MYO16: variants seen among roughly 807,000 people sequenced by gnomAD.
The protein encoded by MYO16 is myosin XVI.
MYO16 carries 94 observed loss-of-function variants against 205.3 expected under a neutral mutation model. The observed-to-expected ratio is 0.46, with a 90% CI of 0.39 to 0.54. The LOEUF (loss-of-function observed/expected upper bound fraction) is 0.54, where lower values mean the gene tolerates loss of function less well. Among genes scored for constraint, MYO16 ranks in the 20% least tolerant of loss-of-function variants. The pLI, the probability that MYO16 is intolerant of heterozygous loss-of-function variation, is 0.00. For synonymous variants in MYO16, 988 were observed against 954.0 expected (o/e 1.04, Z -0.66); for missense variants, 2,315 against 2,387.5 (o/e 0.97, Z 0.63).
intron 31 of MYO16, among the ~76,000 whole-genome samples, chr13:109,132,405 G>T (rs1361707190): frequency 6.6e-6 from 1 of 152,184 alleles, no homozygotes; most frequent in Non-Finnish European, 1.5e-5. Context: ...ACACAATCAT[G>T]GCTCAGCTCT....
chr13:108,637,627 C>A (rs369170554), intron 1 of MYO16, among the ~76,000 whole-genome samples: 3 of 152,126 alleles, frequency 2.0e-5, no homozygotes, highest in East Asian at 3.9e-4. Flanking sequence ...GTAATCCCAG[C>A]ACTTTGGGAG....
intron 16 of MYO16, among the ~76,000 whole-genome samples, chr13:108,911,034 AACACACAC>A (rs113296282): frequency 5.1e-5 from 7 of 138,550 alleles, no homozygotes; most frequent in Admixed American, 2.2e-4. Context: ...TATAGGAGAA[AACACACAC>A]ACACACACAC....
At chr13:109,165,214 G>A (rs1878593699) in intron 33 of MYO16, among the ~76,000 whole-genome samples, 155 bp downstream of exon 33, 1 of 152,158 alleles carries the variant, frequency 6.6e-6, no homozygotes, top group African/African-American at 2.4e-5. Context: ...ATTATTGTCA[G>A]CATATGATTG....
At chr13:108,722,272 G>A (rs139813324) in intron 3 of MYO16, among the ~76,000 whole-genome samples, 1 of 152,140 alleles carries the variant, frequency 6.6e-6, no homozygotes, top group South Asian at 2.1e-4. Context: ...GAAAGTGGCT[G>A]ACATAAGGAA....
At chr13:109,148,122 T>C (rs972163510) in intron 32 of MYO16, among the ~76,000 whole-genome samples, 1 of 152,216 alleles carries the variant, frequency 6.6e-6, no homozygotes, top group East Asian at 1.9e-4. Flanking sequence ...CCTAAATGTC[T>C]AGTAGAAATA....
At chr13:108,980,620 A>G (rs1170073466) in intron 20 of MYO16, among the ~76,000 whole-genome samples, 1 of 152,180 alleles carries the variant, frequency 6.6e-6, no homozygotes, top group African/African-American at 2.4e-5. Context: ...CCTTTTTCGA[A>G]TGTAATTTTC....
chr13:108,899,827 G>C (rs898222130), intron 15 of MYO16, among the ~76,000 whole-genome samples: 3 of 152,192 alleles, frequency 2.0e-5, no homozygotes, highest in African/African-American at 7.2e-5. Context: ...CAAATGTGTG[G>C]CCCAAGGATG....
In MYO16 at chr13:109,207,006, T is replaced by TTGTGTG; in HGVS notation, c.*181_*186dup. The TTGTGTG allele has an allele frequency of 3.5e-6, 1 of 283,158 alleles. No individual in the cohort carries two copies. Among genetic ancestry groups the TTGTGTG allele is most frequent in the Non-Finnish European group, 6.6e-6 (1 of 150,976 alleles). The allele number at this position is 283,158 out of a possible 1,614,324, so 17.5% of individuals were successfully genotyped here. A position where few individuals can be genotyped will look rare whatever the true frequency, so the allele number is the denominator to read the frequency against. ...AGATCCCGTGTGTGTGTGTGTGTGT[T>TTGTGTG]TGTGTGTGTGTGTGTGGGTTCTTTC... On this transcript the variant is annotated 3_prime_UTR_variant, in exon 35 of 35. Coordinates refer to ENST00000457511, the MANE Select transcript of MYO16 (RefSeq NM_001198950.3).
rs541410087 is a variant in MYO16, at chr13:108,829,065, G to T, written c.1097+5787G>T. Among the ~76,000 whole-genome samples the T allele has an allele frequency of 7.9e-4, 121 of 152,302 alleles. 1 individual carries two copies. The highest frequency in any genetic ancestry group is 6.8e-3 in the Middle Eastern group (2 of 294). On this transcript the variant is annotated intron_variant, in intron 9 of 34. Transcript: ENST00000457511. ...AGAATTTGTAGCTCGTTGCTCAAAA[G>T]TTCAAGTGGCCTGGGGACCCCCAAA...
chr13:109,179,890 T>A (rs1030721273), intron 34 of MYO16, among the ~76,000 whole-genome samples: 1 of 152,212 alleles, frequency 6.6e-6, no homozygotes, highest in African/African-American at 2.4e-5. Context: ...ATTGTAGATT[T>A]AATTTATATT....
chr13:108,601,094 CT>C (rs565755606), intron 1 of MYO16, among the ~76,000 whole-genome samples: 1 of 152,000 alleles, frequency 6.6e-6, no homozygotes, highest in Non-Finnish European at 1.5e-5. Context: ...AAAGGGACCA[CT>C]TTTTTTGCGA....
chr13:108,906,682 A>G (rs1050672618), intron 15 of MYO16, among the ~76,000 whole-genome samples: 5 of 152,210 alleles, frequency 3.3e-5, no homozygotes, highest in Non-Finnish European at 7.3e-5. Flanking sequence ...AATTTAAATG[A>G]GGCAATGTTA....
chr13:108,982,911 C>G (rs748490582), intron 20 of MYO16, among the ~76,000 whole-genome samples: 62 of 152,196 alleles, frequency 4.1e-4, no homozygotes, highest in Non-Finnish European at 7.4e-4. Flanking sequence ...CCAATCCATA[C>G]ATTATAGCAC....
At chr13:108,717,398 G>A (rs1367296577) in intron 3 of MYO16, among the ~76,000 whole-genome samples, 3 of 152,036 alleles carry the variant, frequency 2.0e-5, no homozygotes, top group Admixed American at 6.5e-5. Context: ...TTGGGAGGCC[G>A]AGGCGGGCAG....
chr13:109,126,290 A>G (rs773143330), intron 30 of MYO16, among the ~76,000 whole-genome samples: 4 of 152,114 alleles, frequency 2.6e-5, no homozygotes, highest in Non-Finnish European at 5.9e-5. Flanking sequence ...CAAATTATCC[A>G]CTGAGTGCCA....
At chr13:108,904,160 A>T (rs1880849312) in intron 15 of MYO16, among the ~76,000 whole-genome samples, 1 of 152,202 alleles carries the variant, frequency 6.6e-6, no homozygotes, top group African/African-American at 2.4e-5. Flanking sequence ...GCTGTATATA[A>T]GTAAGGACTT....
the MYO16 span, among the ~76,000 whole-genome samples, chr13:108,505,994 C>A: frequency 1.3e-5 from 2 of 152,080 alleles, no homozygotes; most frequent in Non-Finnish European, 2.9e-5. Context: ...TTATTCTGGG[C>A]TCTCTATTCT....
Position 108,599,867 on chromosome 13 carries a change from T to C in MYO16, c.-39+3628T>C, listed in dbSNP as rs372203623. 2.0e-5 allele frequency among the ~76,000 whole-genome samples: 3 copies of C among 152,308 alleles called. No individual in the cohort carries two copies. The East Asian group carries it at 5.8e-4, about 29-fold the overall frequency. On this transcript the variant is annotated intron_variant, in intron 1 of 24. Transcript: ENST00000251041. ...CTTTCTTTGTAGCCTTGTACAGGCA[T>C]GGAAAGAAAAGTAAACAACAGAAAA... is the stretch of plus-strand genomic sequence containing the variant.
chr13:108,889,727 G>T (rs972651218), intron 14 of MYO16, among the ~76,000 whole-genome samples: 1 of 152,022 alleles, frequency 6.6e-6, no homozygotes, highest in African/African-American at 2.4e-5. Context: ...TATTTTAGAG[G>T]ATACTCCACC....
Sources: allele counts gnomAD v4.1 joint callset (sites outside exome capture counted in the v4.1 genomes callset), GRCh38; gene constraint gnomAD v4.1.1; transcripts MANE v1.5; gene names NCBI Gene and HGNC (gene_info 2026-07-23, HGNC 2026-07-21).